IFT80: variants seen among roughly 807,000 people sequenced by gnomAD.
The protein encoded by IFT80 is intraflagellar transport 80, also known as intraflagellar transport protein 80 homolog.
A neutral mutation model predicts 107.9 loss-of-function variants in IFT80; 79 were observed. The ratio of observed to expected loss-of-function variants is 0.73; its 90% CI spans 0.61 to 0.88. The LOEUF (loss-of-function observed/expected upper bound fraction) is 0.88, where lower values mean the gene tolerates loss of function less well. Ranked by LOEUF, IFT80 falls within the 40% of genes least tolerant of loss-of-function variation. The pLI is 0.00. For synonymous variants in IFT80, 299 were observed against 300.9 expected (o/e 0.99, Z 0.07); for missense variants, 797 against 914.2 (o/e 0.87, Z 1.65).
At chr3:160,328,964 G>T (rs1327023436) in intron 8 of IFT80, among the ~76,000 whole-genome samples, 5 of 152,048 alleles carry the variant, frequency 3.3e-5, no homozygotes, top group Admixed American at 6.6e-5. Flanking sequence ...ATGGACACAT[G>T]GGGGGACAAT....
At chr3:160,320,488 C>T (rs1718124555) in intron 8 of IFT80, among the ~76,000 whole-genome samples, 1 of 151,318 alleles carries the variant, frequency 6.6e-6, no homozygotes, top group Admixed American at 6.6e-5. Flanking sequence ...ATCTAACTGT[C>T]TGAGAAAGTT....
intron 10 of IFT80, 59 bp downstream of exon 10, chr3:160,307,604 T>C: frequency 1.1e-6 from 1 of 943,018 alleles, no homozygotes; most frequent in Non-Finnish European, 1.7e-6. Flanking sequence ...ATCCTGAAAA[T>C]AAACTCCTCA....
At chr3:160,395,495 T>G (rs945083416) in intron 1 of IFT80, among the ~76,000 whole-genome samples, 4 of 152,250 alleles carry the variant, frequency 2.6e-5, no homozygotes, top group Non-Finnish European at 5.9e-5. Context: ...CCATGTGGCA[T>G]GAGGCCCAGA....
intron 19 of IFT80, 42 bp from the exon 20 acceptor site, chr3:160,258,677 T>A: frequency 6.2e-7 from 1 of 1,600,388 alleles, no homozygotes; most frequent in Admixed American, 1.7e-5. Flanking sequence ...TTAGATAGTG[T>A]AAGACATTTT....
intron 12 of IFT80, among the ~76,000 whole-genome samples, 189 bp downstream of exon 12, chr3:160,300,694 A>T (rs2108266847): frequency 6.6e-6 from 1 of 152,232 alleles, no homozygotes; most frequent in South Asian, 2.1e-4. Context: ...TTGTTCTATT[A>T]ACTGGATATA....
intron 6 of IFT80, among the ~76,000 whole-genome samples, chr3:160,361,332 TA>T (rs1721475891): frequency 1.3e-5 from 2 of 152,208 alleles, no homozygotes; most frequent in South Asian, 4.1e-4. Context: ...CTAACTATCC[TA>T]AATACATATG....
rs554236199 is a variant in IFT80, at chr3:160,262,563, G to C, written c.2224-3928C>G. Among the ~76,000 whole-genome samples the C allele has an allele frequency of 4.6e-5, 7 of 152,244 alleles. No individual in the cohort carries two copies. The South Asian group carries it at 1.2e-3, about 27-fold the overall frequency. ...CTGAACTCTTGGGCTTGGCTTACATGATCCTCCTGCCTTGGTCTCCCAAAG... is the reference window on the plus strand; with the variant it reads ...CTGAACTCTTGGGCTTGGCTTACATCATCCTCCTGCCTTGGTCTCCCAAAG... On this transcript the variant is annotated intron_variant, in intron 19 of 19. Transcript: ENST00000326448.
intron 4 of IFT80, 58 bp from the exon 5 acceptor site, chr3:160,375,938 A>T: frequency 8.9e-7 from 1 of 1,122,392 alleles, no homozygotes. Context: ...AAATTTAAAC[A>T]TTAAATTTGC....
chr3:160,398,745 A>G (rs1295073169), intron 1 of IFT80, among the ~76,000 whole-genome samples: 1 of 152,200 alleles, frequency 6.6e-6, no homozygotes, highest in Non-Finnish European at 1.5e-5. Flanking sequence ...ATGTATACAA[A>G]CACTACTTAG....
At chr3:160,286,540 G>C (rs957627921) in intron 12 of IFT80, among the ~76,000 whole-genome samples, 3 of 152,198 alleles carry the variant, frequency 2.0e-5, no homozygotes, top group Non-Finnish European at 2.9e-5. Flanking sequence ...CAGGTGTGTT[G>C]ACAGCTTTCT....
At chr3:160,353,951 A>G (rs186480590) in intron 8 of IFT80, among the ~76,000 whole-genome samples, 3 of 152,210 alleles carry the variant, frequency 2.0e-5, no homozygotes, top group Non-Finnish European at 4.4e-5. Context: ...TTAAAATTTT[A>G]AAATATTTTA....
intron 6 of IFT80, among the ~76,000 whole-genome samples, chr3:160,362,174 A>AT (rs757919636): frequency 2.0e-5 from 3 of 152,232 alleles, no homozygotes; most frequent in Non-Finnish European, 4.4e-5. Context: ...AATAGATACA[A>AT]TAAAAAATGA....
At chr3:160,372,337 C>A (rs1471772505) in intron 5 of IFT80, among the ~76,000 whole-genome samples, 3 of 152,160 alleles carry the variant, frequency 2.0e-5, no homozygotes, top group South Asian at 2.1e-4. Flanking sequence ...CTTACTTGAG[C>A]CTTTAGCATC....
chr3:160,388,635 C>T (rs1713125464), intron 1 of IFT80, among the ~76,000 whole-genome samples: 1 of 148,866 alleles, frequency 6.7e-6, no homozygotes, highest in African/African-American at 2.4e-5. Context: ...TATATAAATA[C>T]ATTCTATATA....
chr3:160,324,546 A>T (rs1718530505), intron 8 of IFT80, among the ~76,000 whole-genome samples: 1 of 152,222 alleles, frequency 6.6e-6, no homozygotes, highest in Non-Finnish European at 1.5e-5. Flanking sequence ...TTATCTCAAC[A>T]GATGCAGAAA....
intron 16 of IFT80, among the ~76,000 whole-genome samples, chr3:160,278,854 C>G (rs1714473267): frequency 6.6e-6 from 1 of 152,132 alleles, no homozygotes; most frequent in African/African-American, 2.4e-5. Flanking sequence ...AAACAATCAT[C>G]TGAGGAAATT....
intron 12 of IFT80, among the ~76,000 whole-genome samples, chr3:160,294,109 A>G (rs1230755554): frequency 2.6e-5 from 4 of 152,156 alleles, no homozygotes. Flanking sequence ...GGGGTCCCCA[A>G]ATTTTTAGCC....
chr3:160,357,701 T>C (rs1161092923), intron 6 of IFT80, 123 bp from the exon 7 acceptor site: 2 of 647,358 alleles, frequency 3.1e-6, no homozygotes, highest in Non-Finnish European at 5.5e-6. Context: ...ATTCCTATCT[T>C]CCTTTTATAG....
rs1221684316 is a variant in IFT80, at chr3:160,383,671, G to A, written c.37+893C>T. 3 of 984,930 alleles carry A rather than the reference G, an allele frequency of 3.0e-6. No individual in the cohort carries two copies. The Admixed American group carries it at 1.8e-4, about 61-fold the overall frequency. 61.0% of individuals were successfully genotyped at this position (984,930 alleles called of 1,614,324 possible). On this transcript the variant is annotated intron_variant, in intron 2 of 19. Coordinates refer to ENST00000326448, the MANE Select transcript of IFT80 (RefSeq NM_020800.3). ...ACAGACCTGCAATAAAGTCTACAAA[G>A]GATACTTTGAGCAGAATTAGTCTAA...
Sources: gnomAD v4.1 joint callset for allele counts (sites outside exome capture counted in the v4.1 genomes callset) on GRCh38, gnomAD v4.1.1 for gene constraint, MANE v1.5 for transcripts, NCBI Gene and HGNC (gene_info 2026-07-23, HGNC 2026-07-21) for gene names.